MTAP: variants seen among roughly 807,000 people sequenced by gnomAD.
MTAP encodes methylthioadenosine phosphorylase.
In MTAP, 33 loss-of-function variants were observed where a neutral mutation model predicts 33.6. The ratio of observed to expected loss-of-function variants is 0.98; its 90% CI spans 0.74 to 1.31. The LOEUF is 1.31. MTAP is among the 40% of genes most tolerant of loss of function. MTAP has a pLI of 0.00. For missense variants in MTAP, 367 were observed against 360.0 expected, an observed-to-expected ratio of 1.02 and a Z score of -0.16; for synonymous variants, 148 against 125.7, an observed-to-expected ratio of 1.18 and a Z score of -1.19.
At chr9:21,821,897 A>T (rs529713824) in intron 4 of MTAP, among the ~76,000 whole-genome samples, 62 of 152,086 alleles carry the variant, frequency 4.1e-4, no homozygotes, top group Middle Eastern at 3.4e-3. Context: ...TTTCTTCTAG[A>T]TTTTCTAGTT....
downstream of MTAP, chr9:21,932,596 G>A (rs1004644510): frequency 2.0e-5 from 3 of 151,070 alleles, no homozygotes; most frequent in East Asian, 5.8e-4. Context: ...CATGCATAAG[G>A]ACTATTTCCC....
Position 21,854,808 on chromosome 9 carries a change from A to G in MTAP, c.628A>G (p.Ile210Val). Reference protein sequence around the residue: ...PEVVLAKEAGICYASIAMATD... With the variant: ...PEVVLAKEAGVCYASIAMATD... Reference sequence around the variant, plus strand: ...GGTGGTTCTTGCTAAGGAGGCTGGAATTTGTTACGCAAGTATCGCCATGGC... The same window carrying G: ...GGTGGTTCTTGCTAAGGAGGCTGGAGTTTGTTACGCAAGTATCGCCATGGC... The change falls in exon 6 of 8, where the codon ATT becomes GTT. Residue 210 changes from isoleucine to valine, a missense_variant. Physicochemically the swap from Ile to Val is conservative, Grantham distance 29. Coordinates refer to ENST00000644715, the MANE Select transcript of MTAP (RefSeq NM_002451.4). The G allele has an allele frequency of 6.2e-7, 1 of 1,614,166 alleles. No individual in the cohort carries two copies. The highest frequency in any genetic ancestry group is 1.1e-5 in the South Asian group (1 of 91,086).
chr9:21,939,492 C>T (rs900837217), downstream of MTAP, among the ~76,000 whole-genome samples: 7 of 152,146 alleles, frequency 4.6e-5, no homozygotes, highest in Non-Finnish European at 8.8e-5. Context: ...CTTACCTGAT[C>T]CCTCCAGAAT....
chr9:21,879,257 T>C (rs1462403127), intron 1 of MTAP, among the ~76,000 whole-genome samples: 2 of 152,190 alleles, frequency 1.3e-5, no homozygotes, highest in African/African-American at 2.4e-5. Flanking sequence ...CATATATATT[T>C]AGTATATTTA....
chr9:21,827,568 C>T (rs1824854175), intron 4 of MTAP, among the ~76,000 whole-genome samples: 1 of 152,096 alleles, frequency 6.6e-6, no homozygotes, highest in African/African-American at 2.4e-5. Context: ...TATTTCTCAC[C>T]CCAAGTTATG....
At chr9:21,822,588 G>A (rs1193787993) in intron 4 of MTAP, among the ~76,000 whole-genome samples, 2 of 152,178 alleles carry the variant, frequency 1.3e-5, no homozygotes, top group African/African-American at 2.4e-5. Context: ...ATGTGGTGCC[G>A]AGAAGAATGT....
rs191258199 is a variant in MTAP at position 21,807,518 on chromosome 9, A to T, written c.33+4737A>T. ...TTTCTTTTGTAGGACTGTCCCAAGC[A>T]TTGCAGGACATGGAGTACAACCCTT... On this transcript the variant is annotated intron_variant, in intron 1 of 7. Transcript: ENST00000644715. 3.0e-3 allele frequency among the ~76,000 whole-genome samples: 451 copies of T among 152,258 alleles called. 4 individuals are homozygous for T. The highest frequency in any genetic ancestry group is 3.1e-3 in the Non-Finnish European group (214 of 68,012).
At chr9:21,939,327 T>G (rs1819096803), downstream of MTAP, among the ~76,000 whole-genome samples, 1 of 152,198 alleles carries the variant, frequency 6.6e-6, no homozygotes, top group South Asian at 2.1e-4. Flanking sequence ...ATAATGATAA[T>G]TTTATGACTT....
At chr9:21,844,812 A>G (rs1825336527) in intron 5 of MTAP, among the ~76,000 whole-genome samples, 1 of 152,166 alleles carries the variant, frequency 6.6e-6, no homozygotes, top group Non-Finnish European at 1.5e-5. Context: ...AGGCGGGCGG[A>G]TCACAAGGTC....
At chr9:21,812,324 G>T in intron 1 of MTAP, 1 of 181,364 alleles carries the variant, frequency 5.5e-6, no homozygotes, top group Non-Finnish European at 1.2e-5. Flanking sequence ...TGAGGCAGAT[G>T]TCATAGAGAG....
intron 1 of MTAP, among the ~76,000 whole-genome samples, chr9:21,885,019 G>A (rs957845862): frequency 6.6e-6 from 1 of 152,088 alleles, no homozygotes; most frequent in Non-Finnish European, 1.5e-5. Context: ...ATGGTGGGAA[G>A]GGCTTTCAGG....
chr9:21,891,506 T>C (rs1243426769), intron 1 of MTAP, among the ~76,000 whole-genome samples: 2 of 152,118 alleles, frequency 1.3e-5, no homozygotes, highest in Non-Finnish European at 2.9e-5. Context: ...ACCATCAGGA[T>C]TAACAGCAGA....
chr9:21,890,078 G>T (rs1005885425), intron 1 of MTAP, among the ~76,000 whole-genome samples: 3 of 152,008 alleles, frequency 2.0e-5, no homozygotes, highest in African/African-American at 7.2e-5. Context: ...GCAGGATTAG[G>T]TGTGTCTGAG....
chr9:21,938,845 A>G (rs1182657805), downstream of MTAP, among the ~76,000 whole-genome samples: 1 of 152,318 alleles, frequency 6.6e-6, no homozygotes, highest in South Asian at 2.1e-4. Flanking sequence ...TAACTTTAAG[A>G]TCATAACATT....
chr9:21,885,231 A>G (rs1471748689), intron 1 of MTAP, among the ~76,000 whole-genome samples: 1 of 152,210 alleles, frequency 6.6e-6, no homozygotes, highest in Non-Finnish European at 1.5e-5. Flanking sequence ...AAAGTATATC[A>G]TACATTGATG....
chr9:21,883,309 A>G (rs1818047541), intron 1 of MTAP, among the ~76,000 whole-genome samples: 1 of 152,056 alleles, frequency 6.6e-6, no homozygotes, highest in African/African-American at 2.4e-5. Context: ...AGAGAAATGA[A>G]AATTTAAAAC....
At chr9:21,839,760 A>T (rs546759635) in intron 5 of MTAP, among the ~76,000 whole-genome samples, 2 of 152,370 alleles carry the variant, frequency 1.3e-5, no homozygotes, top group South Asian at 4.1e-4. Context: ...GACTGTCATG[A>T]TGAATTGTCA....
chr9:21,822,779 A>T lies in MTAP; in HGVS notation c.347+4577A>T, dbSNP rs185314316. Reference sequence around the variant, plus strand: ...TGTGGGAGTCTAAGTCTCTTTGTAGATCTCTAAGGACTTGCTTTATGAATC... The same window carrying T: ...TGTGGGAGTCTAAGTCTCTTTGTAGTTCTCTAAGGACTTGCTTTATGAATC... On this transcript the variant is annotated intron_variant, in intron 4 of 7. Transcript: ENST00000644715. Among the ~76,000 whole-genome samples, 275 of 152,056 alleles carry T rather than the reference A, an allele frequency of 1.8e-3. 1 individual carries two copies. Among genetic ancestry groups the T allele is most frequent in the African/African-American group, 6.4e-3 (266 of 41,496 alleles).
chr9:21,802,815 C>T lies in MTAP; in HGVS notation c.33+34C>T, dbSNP rs199590748. The T allele has an allele frequency of 1.1e-4, 179 of 1,611,752 alleles. No homozygotes were observed. The African/African-American group carries it at 2.2e-3, about 19-fold the overall frequency. ...AGCCCTCCCAGCCGCAGCGGTTCGCCCTGCCGGATGCCTTCTCGCCCCCGC... is the reference window on the plus strand; with the variant it reads ...AGCCCTCCCAGCCGCAGCGGTTCGCTCTGCCGGATGCCTTCTCGCCCCCGC... On this transcript the variant is annotated intron_variant, in intron 1 of 7. Coordinates refer to ENST00000644715, the MANE Select transcript of MTAP (RefSeq NM_002451.4).
Sources: allele counts gnomAD v4.1 joint callset (sites outside exome capture counted in the v4.1 genomes callset), GRCh38; gene constraint gnomAD v4.1.1; transcripts MANE v1.5; gene names NCBI Gene and HGNC (gene_info 2026-07-23, HGNC 2026-07-21).